Variants in WWOX observed in about 807,000 individuals in gnomAD.
WWOX encodes WW domain-containing oxidoreductase.
A neutral mutation model predicts 46.2 loss-of-function variants in WWOX; 69 were observed. The ratio of observed to expected loss-of-function variants is 1.49; its 90% CI spans 1.23 to 1.82. The LOEUF (loss-of-function observed/expected upper bound fraction) is 1.82. WWOX is among the 40% of genes most tolerant of loss of function. The probability of loss-of-function intolerance (pLI) is 0.00; values close to 1 mark genes in which losing one functional copy is unlikely to be tolerated. For synonymous variants in WWOX, 359 were observed against 202.6 expected (o/e 1.77, Z -6.56); for missense variants, 919 against 542.6 (o/e 1.69, Z -6.89).
At chr16:78,121,451 G>A (rs1013945458) in intron 4 of WWOX, among the ~76,000 whole-genome samples, 1 of 152,066 alleles carries the variant, frequency 6.6e-6, no homozygotes, top group Non-Finnish European at 1.5e-5. Context: ...GATATTATTG[G>A]ACATTGAGTG....
chr16:78,628,732 G>T (rs1237262804), intron 8 of WWOX, among the ~76,000 whole-genome samples: 2 of 152,116 alleles, frequency 1.3e-5, no homozygotes, highest in Non-Finnish European at 2.9e-5. Context: ...TAAATTCAGG[G>T]TTAATTTCTT....
chr16:78,354,543 G>C (rs2081246298), intron 5 of WWOX, among the ~76,000 whole-genome samples: 1 of 152,026 alleles, frequency 6.6e-6, no homozygotes, highest in Non-Finnish European at 1.5e-5. Flanking sequence ...GTTTAGAAGA[G>C]ACCCTTATTT....
At chr16:78,854,900 C>T (rs2151184390) in intron 8 of WWOX, among the ~76,000 whole-genome samples, 1 of 136,750 alleles carries the variant, frequency 7.3e-6, no homozygotes, top group Admixed American at 8.0e-5. Flanking sequence ...GATTTTTGAA[C>T]AGCAGCTTTT....
chr16:78,683,194 A>T (rs181432096), intron 8 of WWOX, among the ~76,000 whole-genome samples: 8 of 152,136 alleles, frequency 5.3e-5, no homozygotes, highest in Admixed American at 1.3e-4. Context: ...AATTTTTTTT[A>T]AATTCATTTT....
chr16:78,879,814 T>C (rs1413088153), intron 8 of WWOX, among the ~76,000 whole-genome samples: 2 of 150,592 alleles, frequency 1.3e-5, no homozygotes, highest in Non-Finnish European at 3.0e-5. Flanking sequence ...GAGGCAGAGG[T>C]TGCCGTGAGC....
intron 8 of WWOX, among the ~76,000 whole-genome samples, chr16:78,609,367 G>A (rs973830742): frequency 2.6e-5 from 4 of 151,920 alleles, no homozygotes; most frequent in Admixed American, 2.6e-4. Context: ...GCTCAGAGAG[G>A]AAACACTGAA....
intron 8 of WWOX, among the ~76,000 whole-genome samples, chr16:78,955,013 C>T (rs924536266): frequency 3.3e-5 from 5 of 152,110 alleles, no homozygotes; most frequent in Non-Finnish European, 7.4e-5. Flanking sequence ...TTATCTCAAA[C>T]TCCTGGCTTC....
chr16:79,000,164 A>C (rs534081844), intron 8 of WWOX, among the ~76,000 whole-genome samples: 1 of 152,140 alleles, frequency 6.6e-6, no homozygotes, highest in East Asian at 1.9e-4. Flanking sequence ...ATCTCCCTGC[A>C]CCCCTTCACT....
At chr16:78,551,576 G>C (rs939806248) in intron 8 of WWOX, 1 of 152,180 alleles carries the variant, frequency 6.6e-6, no homozygotes, top group African/African-American at 2.4e-5. Context: ...TCTGGTAGCT[G>C]TTTGCTCTTC....
At chr16:78,772,627 C>T (rs1482877551) in intron 8 of WWOX, among the ~76,000 whole-genome samples, 1 of 152,164 alleles carries the variant, frequency 6.6e-6, no homozygotes, top group Non-Finnish European at 1.5e-5. Flanking sequence ...ATTGTTATTA[C>T]CAGCATGGCT....
chr16:78,721,688 C>G (rs953541335), intron 8 of WWOX, among the ~76,000 whole-genome samples: 1 of 152,218 alleles, frequency 6.6e-6, no homozygotes, highest in Non-Finnish European at 1.5e-5. Context: ...CTGCCTGAGC[C>G]TCTCGGAAAT....
chr16:78,638,262 C>T (rs2046622517), intron 8 of WWOX, among the ~76,000 whole-genome samples: 1 of 152,170 alleles, frequency 6.6e-6, no homozygotes, highest in South Asian at 2.1e-4. Flanking sequence ...CCCAAGTTTC[C>T]TAAGTGGCCA....
intron 5 of WWOX, among the ~76,000 whole-genome samples, chr16:78,177,863 G>A (rs1805729792): frequency 6.6e-6 from 1 of 152,200 alleles, no homozygotes; most frequent in Admixed American, 6.5e-5. Flanking sequence ...GGACGAGACG[G>A]GGACTGAACA....
At chr16:78,776,835 G>A (rs2050202210) in intron 8 of WWOX, among the ~76,000 whole-genome samples, 1 of 152,096 alleles carries the variant, frequency 6.6e-6, no homozygotes, top group African/African-American at 2.4e-5. Flanking sequence ...AAAACCATCA[G>A]ATCGCGTAAG....
intron 8 of WWOX, among the ~76,000 whole-genome samples, chr16:78,565,887 C>G (rs1364403735): frequency 6.7e-6 from 1 of 150,302 alleles, no homozygotes; most frequent in African/African-American, 2.5e-5. Flanking sequence ...AAGACCATCA[C>G]ATTTTTCATC....
At chr16:78,746,260 G>T (rs1008802108) in intron 8 of WWOX, among the ~76,000 whole-genome samples, 1 of 152,196 alleles carries the variant, frequency 6.6e-6, no homozygotes, top group African/African-American at 2.4e-5. Flanking sequence ...TGCATTGGGA[G>T]GCCAAGGCAG....
chr16:79,066,372 C>G (rs77080539), intron 8 of WWOX, among the ~76,000 whole-genome samples: 1 of 152,124 alleles, frequency 6.6e-6, no homozygotes. Context: ...ATAGTAGACT[C>G]CATCAGGGCT....
At chr16:78,684,964 G>A (rs568451909) in intron 8 of WWOX, among the ~76,000 whole-genome samples, 9 of 152,268 alleles carry the variant, frequency 5.9e-5, no homozygotes, top group Admixed American at 3.3e-4. Context: ...AAATTGCATC[G>A]TGGGCCTCTT....
At chr16:78,606,003 G>C (rs562190391) in intron 8 of WWOX, among the ~76,000 whole-genome samples, 4 of 152,270 alleles carry the variant, frequency 2.6e-5, no homozygotes, top group East Asian at 3.9e-4. Context: ...GCAGCTTCTC[G>C]AATGCCTATT....
Sources: allele counts gnomAD v4.1 joint callset (sites outside exome capture counted in the v4.1 genomes callset), GRCh38; gene constraint gnomAD v4.1.1; transcripts MANE v1.5; gene names NCBI Gene and HGNC (gene_info 2026-07-23, HGNC 2026-07-21).